EPHA5: variants seen among roughly 807,000 people sequenced by gnomAD.
The protein encoded by EPHA5 is ephrin type-A receptor 5.
In EPHA5, 60 loss-of-function variants were observed where a neutral mutation model predicts 105.0. The ratio of observed to expected loss-of-function variants is 0.57; its 90% CI spans 0.46 to 0.71. EPHA5 has a LOEUF of 0.71. EPHA5 is among the 30% of genes least tolerant of loss of function. The probability of loss-of-function intolerance (pLI) is 0.00; values close to 1 mark genes in which losing one functional copy is unlikely to be tolerated. For synonymous variants in EPHA5, 513 were observed against 449.1 expected, an observed-to-expected ratio of 1.14 and a Z score of -1.80; for missense variants, 1,218 against 1,274.7, an observed-to-expected ratio of 0.96 and a Z score of 0.68.
chr4:65,349,642 A>T (rs997071882), intron 13 of EPHA5, among the ~76,000 whole-genome samples: 2 of 152,114 alleles, frequency 1.3e-5, no homozygotes, highest in African/African-American at 4.8e-5. Context: ...AGGAAATAAC[A>T]GTTTGGGGTC....
At chr4:65,587,071 T>G (rs538759947) in intron 3 of EPHA5, among the ~76,000 whole-genome samples, 23 of 152,244 alleles carry the variant, frequency 1.5e-4, no homozygotes, top group Non-Finnish European at 2.6e-4. Flanking sequence ...TTCTGCTTCT[T>G]TTCAACTTCC....
chr4:65,505,368 T>G (rs1578276578), intron 3 of EPHA5, among the ~76,000 whole-genome samples: 1 of 152,182 alleles, frequency 6.6e-6, no homozygotes, highest in East Asian at 1.9e-4. Context: ...CAAATGGCAC[T>G]TTTGAACAGA....
intron 3 of EPHA5, among the ~76,000 whole-genome samples, chr4:65,537,747 T>G (rs1736427229): frequency 6.6e-6 from 1 of 151,868 alleles, no homozygotes; most frequent in African/African-American, 2.4e-5. Context: ...CTTAACAGTT[T>G]ATTTTAAAAT....
At position 65,466,505 on chromosome 4, in the gene EPHA5, T is replaced by A. The variant is rs191207080; in HGVS notation, c.1402+23872A>T. On this transcript the variant is annotated intron_variant, in intron 5 of 16. Coordinates refer to ENST00000613740, the MANE Select transcript of EPHA5 (RefSeq NM_001281766.3). ...GGAAGTATCGTCATTTGACACATTT[T>A]AAAGAGATCCCTGTGGCTGCTGTAT... 5.4e-3 allele frequency among the ~76,000 whole-genome samples: 824 copies of A among 152,268 alleles called. 5 individuals are homozygous for A. Among genetic ancestry groups the A allele is most frequent in the South Asian group, 0.019 (91 of 4,826 alleles).
At chr4:65,584,703 T>C (rs1035298605) in intron 3 of EPHA5, among the ~76,000 whole-genome samples, 2 of 151,982 alleles carry the variant, frequency 1.3e-5, no homozygotes, top group South Asian at 2.1e-4. Context: ...TTTGTGGACA[T>C]GTACATTTTT....
At chr4:65,470,539 T>A (rs573903782) in intron 5 of EPHA5, among the ~76,000 whole-genome samples, 1 of 152,178 alleles carries the variant, frequency 6.6e-6, no homozygotes, top group African/African-American at 2.4e-5. Context: ...TTATCTGCTG[T>A]CTTGTAATAA....
intron 7 of EPHA5, among the ~76,000 whole-genome samples, chr4:65,405,518 T>C (rs1254803067): frequency 6.6e-6 from 1 of 152,188 alleles, no homozygotes; most frequent in Non-Finnish European, 1.5e-5. Context: ...CCTCCCTTTC[T>C]ATTTTAGTCA....
At chr4:65,589,291 G>T (rs1742414226) in intron 3 of EPHA5, among the ~76,000 whole-genome samples, 1 of 151,812 alleles carries the variant, frequency 6.6e-6, no homozygotes, top group Non-Finnish European at 1.5e-5. Flanking sequence ...TTCTTATTCT[G>T]AATTTAAATT....
At chr4:65,506,880 A>G (rs1385867829) in intron 3 of EPHA5, among the ~76,000 whole-genome samples, 1 of 151,974 alleles carries the variant, frequency 6.6e-6, no homozygotes, top group Non-Finnish European at 1.5e-5. Flanking sequence ...CCCATTTGTC[A>G]ATTTTGGCTT....
At chr4:65,341,798 A>G (rs559988025) in intron 14 of EPHA5, among the ~76,000 whole-genome samples, 1 of 152,024 alleles carries the variant, frequency 6.6e-6, no homozygotes, top group African/African-American at 2.4e-5. Context: ...GGGCTTGAGT[A>G]CCTATGTTGC....
At chr4:65,576,054 G>GAAAGAAAAGAAAAGAAAAGA (rs1423504045) in intron 3 of EPHA5, among the ~76,000 whole-genome samples, 1 of 81,560 alleles carries the variant, frequency 1.2e-5, no homozygotes, top group African/African-American at 4.9e-5. Context: ...AAGAAAGAAA[G>GAAAGAAAAGAAAAGAAAAGA]AAAGAAAAGA....
chr4:65,439,816 A>G (rs1233800863), intron 5 of EPHA5, among the ~76,000 whole-genome samples: 4 of 152,232 alleles, frequency 2.6e-5, no homozygotes, highest in East Asian at 1.9e-4. Context: ...ACCGAAAGGA[A>G]AGCCGAATGC....
chr4:65,356,965 C>T (rs1333661962), intron 11 of EPHA5, among the ~76,000 whole-genome samples: 5 of 151,366 alleles, frequency 3.3e-5, no homozygotes, highest in Non-Finnish European at 7.4e-5. Context: ...ATTTTGAAAG[C>T]ATGTTATCAA....
intron 3 of EPHA5, among the ~76,000 whole-genome samples, chr4:65,504,379 T>TAG (rs201004744): frequency 0.014 from 2,074 of 150,592 alleles, 24 homozygotes; most frequent in South Asian, 0.03. Flanking sequence ...TATATATATA[T>TAG]ATAGATAGAA....
chr4:65,326,404 T>A (rs1470736), intron 16 of EPHA5, among the ~76,000 whole-genome samples: 6 of 151,326 alleles, frequency 4.0e-5, no homozygotes, highest in African/African-American at 1.2e-4. Flanking sequence ...AAAATGAGAA[T>A]CCTGTAAATG....
chr4:65,570,454 C>A (rs1236862353), intron 3 of EPHA5, among the ~76,000 whole-genome samples: 1 of 150,810 alleles, frequency 6.6e-6, no homozygotes, highest in African/African-American at 2.4e-5. Flanking sequence ...TCTTCCCCAC[C>A]TCCCCCCACT....
rs150606672 is a variant in EPHA5 at position 65,437,026 on chromosome 4, T to C, written c.1403-16461A>G. ...AATGGTGTGCTAATTTTTATAAGTA[T>C]GCCTAAAGAGAAGGAAAGGGATATT... On this transcript the variant is annotated intron_variant, in intron 5 of 16. Coordinates refer to ENST00000613740, the MANE Select transcript of EPHA5 (RefSeq NM_001281766.3). Among the ~76,000 whole-genome samples the C allele has an allele frequency of 1.1e-4, 17 of 152,086 alleles. No homozygotes were observed. The East Asian group carries it at 3.3e-3, about 29-fold the overall frequency.
intron 3 of EPHA5, 106 bp downstream of exon 3, chr4:65,601,534 TA>T: frequency 8.8e-7 from 1 of 1,131,540 alleles, no homozygotes; most frequent in Non-Finnish European, 1.3e-6. Context: ...ATAATCTCCA[TA>T]AATTAGCAAA....
At chr4:65,660,096 C>T (rs1749429566) in intron 1 of EPHA5, among the ~76,000 whole-genome samples, 1 of 151,934 alleles carries the variant, frequency 6.6e-6, no homozygotes. Flanking sequence ...AAAAGTGAAA[C>T]TGATAACATA....
Sources: gnomAD v4.1 joint callset for allele counts (sites outside exome capture counted in the v4.1 genomes callset) on GRCh38, gnomAD v4.1.1 for gene constraint, MANE v1.5 for transcripts, NCBI Gene and HGNC (gene_info 2026-07-23, HGNC 2026-07-21) for gene names.